CNBD1: variants seen among roughly 807,000 people sequenced by gnomAD.
The protein encoded by CNBD1 is cyclic nucleotide binding domain containing 1, also known as cyclic nucleotide-binding domain-containing protein 1.
A neutral mutation model predicts 54.4 loss-of-function variants in CNBD1; 71 were observed. The ratio of observed to expected loss-of-function variants is 1.30; its 90% CI spans 1.08 to 1.59. The LOEUF is 1.59. Among genes scored for constraint, CNBD1 ranks in the 40% most tolerant of loss-of-function variants. The probability of loss-of-function intolerance (pLI) is 0.00; values close to 1 mark genes in which losing one functional copy is unlikely to be tolerated. For missense variants in CNBD1, 659 were observed against 518.0 expected (o/e 1.27, Z -2.64); for synonymous variants, 182 against 170.7 (o/e 1.07, Z -0.51).
At chr8:87,059,086 C>G (rs1441184404) in intron 4 of CNBD1, among the ~76,000 whole-genome samples, 1 of 152,206 alleles carries the variant, frequency 6.6e-6, no homozygotes, top group Non-Finnish European at 1.5e-5. Context: ...AGTCTCTTTG[C>G]TAAGCACAGC....
intron 9 of CNBD1, among the ~76,000 whole-genome samples, chr8:87,353,002 G>A (rs1274663178): frequency 6.6e-6 from 1 of 152,078 alleles, no homozygotes. Context: ...TCAACTCCTA[G>A]CAAATCTCCC....
chr8:87,153,642 A>G (rs183226281), intron 4 of CNBD1, among the ~76,000 whole-genome samples: 13 of 152,316 alleles, frequency 8.5e-5, no homozygotes, highest in Admixed American at 6.5e-4. Context: ...TATGAGAAAT[A>G]TAACTAATTG....
At chr8:86,924,879 G>A (rs567048370) in intron 3 of CNBD1, among the ~76,000 whole-genome samples, 211 of 152,162 alleles carry the variant, frequency 1.4e-3, no homozygotes, top group Non-Finnish European at 2.1e-3. Context: ...ATATATTCTG[G>A]AAAATGTATT....
At chr8:87,424,104 T>C (rs1807996520) in intron 2 of CNBD1, among the ~76,000 whole-genome samples, 1 of 152,350 alleles carries the variant, frequency 6.6e-6, no homozygotes, top group Admixed American at 6.5e-5. Flanking sequence ...TTTGTATTTC[T>C]GTGGGATTGG....
chr8:87,312,137 C>T (rs1809279415), intron 8 of CNBD1, among the ~76,000 whole-genome samples: 1 of 152,040 alleles, frequency 6.6e-6, no homozygotes. Flanking sequence ...CTAATTTAGG[C>T]ATTTTTCCTC....
At chr8:86,917,873 C>G (rs1563821466) in intron 3 of CNBD1, among the ~76,000 whole-genome samples, 2 of 152,102 alleles carry the variant, frequency 1.3e-5, no homozygotes, top group African/African-American at 2.4e-5. Context: ...ATTTACCTGA[C>G]AGAAACAAAG....
intron 5 of CNBD1, among the ~76,000 whole-genome samples, chr8:87,231,313 T>C (rs1196739381): frequency 6.6e-6 from 1 of 152,132 alleles, no homozygotes; most frequent in Non-Finnish European, 1.5e-5. Context: ...ATTGAAACAC[T>C]ATCTCTAAGC....
At chr8:87,332,920 T>C (rs1459476320) in intron 8 of CNBD1, among the ~76,000 whole-genome samples, 1 of 152,122 alleles carries the variant, frequency 6.6e-6, no homozygotes, top group Non-Finnish European at 1.5e-5. Context: ...ATATCAATGG[T>C]AGTTTGATGG....
chr8:87,328,176 C>T (rs1809726823), intron 8 of CNBD1, among the ~76,000 whole-genome samples: 2 of 151,992 alleles, frequency 1.3e-5, no homozygotes, highest in Admixed American at 1.3e-4. Flanking sequence ...GTGATGTTCC[C>T]TCCCTGTGTC....
intron 10 of CNBD1, among the ~76,000 whole-genome samples, chr8:87,376,169 A>G (rs1020278463): frequency 6.6e-6 from 1 of 151,918 alleles, no homozygotes; most frequent in Non-Finnish European, 1.5e-5. Context: ...GCTTCAATGC[A>G]TTACCATGGG....
At chr8:87,241,561 T>G (rs562729237) in intron 6 of CNBD1, among the ~76,000 whole-genome samples, 3 of 152,132 alleles carry the variant, frequency 2.0e-5, no homozygotes, top group Non-Finnish European at 4.4e-5. Flanking sequence ...CGTGAGCCAC[T>G]GCACCCCGCC....
chr8:87,123,533 A>G (rs1163673637), intron 4 of CNBD1, among the ~76,000 whole-genome samples: 3 of 151,802 alleles, frequency 2.0e-5, no homozygotes, highest in Non-Finnish European at 3.0e-5. Context: ...CCTAATAAGG[A>G]CATTTATAGC....
intron 4 of CNBD1, among the ~76,000 whole-genome samples, chr8:87,133,052 T>G (rs1218166212): frequency 2.0e-5 from 3 of 151,866 alleles, no homozygotes; most frequent in African/African-American, 7.2e-5. Flanking sequence ...AGGATGTATA[T>G]TTTAAAAAAT....
At chr8:87,269,277 T>C (rs1446105674) in intron 6 of CNBD1, among the ~76,000 whole-genome samples, 3 of 152,160 alleles carry the variant, frequency 2.0e-5, no homozygotes. Context: ...TCCATTGGTC[T>C]ATGTATCTTC....
chr8:86,967,354 C>T (rs1456390044), intron 4 of CNBD1, among the ~76,000 whole-genome samples: 1 of 152,230 alleles, frequency 6.6e-6, no homozygotes, highest in Non-Finnish European at 1.5e-5. Context: ...TATAGTCCTG[C>T]CCAGGAGGGC....
chr8:87,152,621 C>A (rs1000361236), intron 4 of CNBD1, among the ~76,000 whole-genome samples: 1 of 152,054 alleles, frequency 6.6e-6, no homozygotes, highest in African/African-American at 2.4e-5. Context: ...TGAAAACTCC[C>A]AAGCCCTCTT....
At chr8:86,881,665 T>G (rs1445498707) in intron 1 of CNBD1, among the ~76,000 whole-genome samples, 1 of 152,158 alleles carries the variant, frequency 6.6e-6, no homozygotes, top group African/African-American at 2.4e-5. Flanking sequence ...TAGAAAAAAC[T>G]ATTTAAAAAT....
intron 6 of CNBD1, among the ~76,000 whole-genome samples, chr8:87,251,675 A>G (rs1807920726): frequency 6.6e-6 from 1 of 151,678 alleles, no homozygotes; most frequent in African/African-American, 2.4e-5. Flanking sequence ...TCCAAATGCT[A>G]TGGTACCATT....
intron 4 of CNBD1, among the ~76,000 whole-genome samples, chr8:87,175,100 C>T (rs1813169904): frequency 6.6e-6 from 1 of 152,138 alleles, no homozygotes; most frequent in Non-Finnish European, 1.5e-5. Flanking sequence ...GCTCAAGGCC[C>T]TATGTCTCTA....
Sources: allele counts gnomAD v4.1 joint callset (sites outside exome capture counted in the v4.1 genomes callset), GRCh38; gene constraint gnomAD v4.1.1; transcripts MANE v1.5; gene names NCBI Gene and HGNC (gene_info 2026-07-23, HGNC 2026-07-21).